Variants in DCUN1D1 observed in about 807,000 individuals in gnomAD.
The protein encoded by DCUN1D1 is defective in cullin neddylation 1 domain containing 1.
In DCUN1D1, 3 loss-of-function variants were observed where a neutral mutation model predicts 39.0. That is an observed-to-expected ratio of 0.08 (90% CI 0.04 to 0.20). The LOEUF is 0.20. Ranked by LOEUF, DCUN1D1 falls within the 10% of genes least tolerant of loss-of-function variation. DCUN1D1 has a pLI of 1.00. For missense variants in DCUN1D1, 158 were observed against 302.4 expected, an observed-to-expected ratio of 0.52 and a Z score of 3.54; for synonymous variants, 82 against 96.3, an observed-to-expected ratio of 0.85 and a Z score of 0.87.
At chr3:182,955,071 G>A (rs1027236971) in intron 4 of DCUN1D1, among the ~76,000 whole-genome samples, 2 of 149,708 alleles carry the variant, frequency 1.3e-5, no homozygotes, top group Non-Finnish European at 3.0e-5. Context: ...ACTGAGCCTC[G>A]CTCTTGCTGT....
intron 4 of DCUN1D1, among the ~76,000 whole-genome samples, chr3:182,948,455 A>G (rs555215760): frequency 2.6e-5 from 4 of 151,876 alleles, no homozygotes; most frequent in South Asian, 2.1e-4. Context: ...AGAGAACTAC[A>G]CTTATCACAC....
At position 182,944,998 on chromosome 3, in the gene DCUN1D1, G is replaced by C. The variant is rs1261919972; in HGVS notation, c.*96C>G. The C allele has an allele frequency of 2.9e-5, 29 of 1,014,344 alleles. No homozygotes were observed. The highest frequency in any genetic ancestry group is 4.2e-5 in the Non-Finnish European group (28 of 660,548). The allele number at this position is 1,014,344 out of a possible 1,614,324, so 62.8% of individuals were successfully genotyped here. A position where few individuals can be genotyped will look rare whatever the true frequency, so the allele number is the denominator to read the frequency against. The stretch of plus-strand genomic sequence containing the variant: ...ACCCTCAGTCTGAATTGTGAGGATT[G>C]ATCTTCAGTTCAGTCCAGCCAGCAG... On this transcript the variant is annotated 3_prime_UTR_variant, in exon 7 of 7. Transcript: ENST00000292782.
chr3:182,946,720 T>C (rs533118316), intron 6 of DCUN1D1, among the ~76,000 whole-genome samples: 60 of 152,292 alleles, frequency 3.9e-4, no homozygotes, highest in African/African-American at 1.3e-3. Context: ...AAATTACTTA[T>C]GCCTTTCTGG....
upstream of DCUN1D1, among the ~76,000 whole-genome samples, chr3:182,982,948 A>G (rs1363049440): frequency 6.6e-6 from 1 of 151,962 alleles, no homozygotes. Context: ...CTGGCCAGCC[A>G]ATTCTTTATC....
intron 4 of DCUN1D1, among the ~76,000 whole-genome samples, chr3:182,957,397 C>T (rs1017976543): frequency 5.9e-5 from 9 of 152,138 alleles, no homozygotes; most frequent in African/African-American, 1.2e-4. Context: ...GAGGCCAAGG[C>T]GGGGTGATCA....
Position 182,978,306 on chromosome 3 carries a change from C to T in DCUN1D1, c.3+2181G>A, listed in dbSNP as rs142904705. On this transcript the variant is annotated intron_variant, in intron 1 of 6. Transcript: ENST00000292782. Reference sequence around the variant, plus strand: ...AAAGAAACAAATATATGTAAGATAACTTTATAATGAAACAACTTCTTAACT... The same window carrying T: ...AAAGAAACAAATATATGTAAGATAATTTTATAATGAAACAACTTCTTAACT... 4.3e-4 allele frequency among the ~76,000 whole-genome samples: 66 copies of T among 152,272 alleles called. No homozygotes were observed. The East Asian group carries it at 0.01, about 24-fold the overall frequency.
chr3:182,963,785 T>C, intron 3 of DCUN1D1, 96 bp downstream of exon 3: 9 of 1,071,532 alleles, frequency 8.4e-6, no homozygotes, highest in Non-Finnish European at 1.2e-5. Flanking sequence ...CCAATGTTTG[T>C]GGGCCAGCAA....
At chr3:182,975,378 G>A (rs577307493) in intron 1 of DCUN1D1, among the ~76,000 whole-genome samples, 12 of 151,536 alleles carry the variant, frequency 7.9e-5, no homozygotes, top group Non-Finnish European at 1.3e-4. Flanking sequence ...GGGTTTCACC[G>A]TGTTAGCCAG....
At chr3:182,952,634 C>T (rs1480185483) in intron 4 of DCUN1D1, among the ~76,000 whole-genome samples, 1 of 152,066 alleles carries the variant, frequency 6.6e-6, no homozygotes, top group Non-Finnish European at 1.5e-5. Context: ...CCATCCCCAC[C>T]ACCCTGCACC....
At chr3:182,983,348 A>T (rs1331934980), upstream of DCUN1D1, among the ~76,000 whole-genome samples, 2 of 152,194 alleles carry the variant, frequency 1.3e-5, no homozygotes, top group African/African-American at 4.8e-5. Context: ...CTACCCTATG[A>T]GCATGCCCAG....
chr3:182,957,438 G>A (rs981700526), intron 4 of DCUN1D1, among the ~76,000 whole-genome samples: 3 of 152,162 alleles, frequency 2.0e-5, no homozygotes, highest in Non-Finnish European at 4.4e-5. Flanking sequence ...GCCAGCCTGG[G>A]CAACACGGTG....
At position 182,941,943 on chromosome 3, in the gene DCUN1D1, G is replaced by GCTA. The variant is rs1188487438; in HGVS notation, c.*3148_*3150dup. 6.6e-6 allele frequency: 1 copy of GCTA among 151,990 alleles called. No individual in the cohort carries two copies. Among genetic ancestry groups the GCTA allele is most frequent in the Non-Finnish European group, 1.5e-5 (1 of 67,938 alleles). The allele number at this position is 151,990 out of a possible 1,614,324, so 9.4% of individuals were successfully genotyped here. ...CCTAAGCAAAGTGTACATTAAGTTA[G>GCTA]CTACTACTACTCACTTCTTGATTAT... On this transcript the variant is annotated 3_prime_UTR_variant, in exon 7 of 7. Coordinates refer to ENST00000292782, the MANE Select transcript of DCUN1D1 (RefSeq NM_020640.4).
chr3:182,973,310 C>T (rs1228825876), intron 1 of DCUN1D1, among the ~76,000 whole-genome samples: 5 of 152,126 alleles, frequency 3.3e-5, no homozygotes, highest in South Asian at 2.1e-4. Context: ...CTCAGAACAA[C>T]GCACAATTTA....
chr3:182,963,139 G>A (rs906466011), intron 3 of DCUN1D1, among the ~76,000 whole-genome samples: 2 of 152,124 alleles, frequency 1.3e-5, no homozygotes, highest in African/African-American at 2.4e-5. Context: ...ACTCAGACTC[G>A]AATCATGACT....
At position 182,980,524 on chromosome 3, in the gene DCUN1D1, G is replaced by C. The variant is rs1466669414; in HGVS notation, c.-35C>G. 1 of 1,234,172 alleles carries C rather than the reference G, an allele frequency of 8.1e-7. No homozygotes were observed. The highest frequency in any genetic ancestry group is 1.0e-6 in the Non-Finnish European group (1 of 969,992). 76.5% of individuals were successfully genotyped at this position (1,234,172 alleles called of 1,614,324 possible). On this transcript the variant is annotated 5_prime_UTR_variant, in exon 1 of 7. Transcript: ENST00000292782. ...CTCCAGGCCTCTCCCCTCCTCCTCC[G>C]GCTCCGCAGCGAATGGACGGCGGCG...
upstream of DCUN1D1, among the ~76,000 whole-genome samples, chr3:182,982,777 T>C (rs1390035583): frequency 6.6e-6 from 1 of 152,114 alleles, no homozygotes; most frequent in Non-Finnish European, 1.5e-5. Flanking sequence ...ACCGAGTAGC[T>C]GGGATTACAG....
At chr3:182,967,375 T>C (rs1727726970) in intron 1 of DCUN1D1, among the ~76,000 whole-genome samples, 1 of 152,110 alleles carries the variant, frequency 6.6e-6, no homozygotes, top group Admixed American at 6.5e-5. Context: ...CCATAAATCA[T>C]ACTGCTTGCT....
intron 1 of DCUN1D1, among the ~76,000 whole-genome samples, chr3:182,969,074 C>A (rs942498448): frequency 2.0e-5 from 3 of 152,304 alleles, no homozygotes; most frequent in African/African-American, 7.2e-5. Context: ...TATTGACAAT[C>A]CCATTCCTAT....
In DCUN1D1 at chr3:182,965,576, C is replaced by G; in HGVS notation, c.181G>C (p.Asp61His). The G allele has an allele frequency of 1.2e-6, 2 of 1,613,738 alleles. No individual in the cohort carries two copies. Among genetic ancestry groups the G allele is most frequent in the Non-Finnish European group, 1.7e-6 (2 of 1,179,762 alleles). Residue 61 changes from aspartate (D) to histidine (H), a missense_variant, in exon 2 of 7, where the codon GAC becomes CAC. Asp to His is a moderately conservative substitution (Grantham distance 81). Transcript: ENST00000292782. ...TACAGCTGTTCTAACTTCTTCCTGT[C>G]CAATGATCCTTTTACACTCTCTCGT... is the stretch of plus-strand genomic sequence containing the variant. ...YIRESVKGSL[D>H]RKKLEQLYNR...
Sources: gnomAD v4.1 joint callset for allele counts (sites outside exome capture counted in the v4.1 genomes callset) on GRCh38, gnomAD v4.1.1 for gene constraint, MANE v1.5 for transcripts, NCBI Gene and HGNC (gene_info 2026-07-23, HGNC 2026-07-21) for gene names.